GLCCI1: variants seen among roughly 807,000 people sequenced by gnomAD.
GLCCI1 encodes the protein glucocorticoid induced 1.
GLCCI1 carries 24 observed loss-of-function variants against 52.2 expected under a neutral mutation model. The observed-to-expected ratio is 0.46, with a 90% CI of 0.33 to 0.65. The LOEUF (loss-of-function observed/expected upper bound fraction) is 0.65, where lower values mean the gene tolerates loss of function less well. GLCCI1 is among the 30% of genes least tolerant of loss of function. The pLI is 0.02. For synonymous variants in GLCCI1, 310 were observed against 276.5 expected, an observed-to-expected ratio of 1.12 and a Z score of -1.20; for missense variants, 704 against 701.5, an observed-to-expected ratio of 1.00 and a Z score of -0.04.
At chr7:8,017,995 AAATAATGGTTTGTCATT>A (rs1314651066) in intron 2 of GLCCI1, among the ~76,000 whole-genome samples, 1 of 152,212 alleles carries the variant, frequency 6.6e-6, no homozygotes, top group East Asian at 1.9e-4. Flanking sequence ...AAATATTTGT[AAATAATGGTTTGTCATT>A]ACCTATTCTA....
chr7:7,976,479 C>CAAAAAAAA (rs35255634), intron 1 of GLCCI1, among the ~76,000 whole-genome samples: 7 of 24,682 alleles, frequency 2.8e-4, no homozygotes, highest in East Asian at 9.3e-4. Context: ...AACTCCATCT[C>CAAAAAAAA]AAAAAAAAAA....
At chr7:7,999,142 G>T (rs1262884890) in intron 1 of GLCCI1, among the ~76,000 whole-genome samples, 3 of 151,908 alleles carry the variant, frequency 2.0e-5, no homozygotes, top group Non-Finnish European at 4.4e-5. Context: ...TGAACACTAA[G>T]TGTAGAGCAT....
rs1782368288 is a variant in GLCCI1, at chr7:8,055,560, T to C, written c.813+11T>C. ...ATCAGTCACACTCAGGTAGGCTAAC[T>C]TCTTGTCCAGATTTGAATAATTACT... On this transcript the variant is annotated intron_variant, in intron 4 of 7. Coordinates refer to ENST00000223145, the MANE Select transcript of GLCCI1 (RefSeq NM_138426.4). The C allele has an allele frequency of 1.4e-6, 2 of 1,460,026 alleles. No homozygotes were observed. Among genetic ancestry groups the C allele is most frequent in the South Asian group, 2.3e-5 (2 of 87,528 alleles). The allele number at this position is 1,460,026 out of a possible 1,614,324, so 90.4% of individuals were successfully genotyped here.
chr7:8,042,014 G>A (rs998257333), intron 3 of GLCCI1, among the ~76,000 whole-genome samples: 1 of 152,126 alleles, frequency 6.6e-6, no homozygotes, highest in Non-Finnish European at 1.5e-5. Flanking sequence ...GGATGATATA[G>A]CACATCTATT....
rs1344129872 is a variant in GLCCI1, at chr7:7,969,334, G to C, written c.-17G>C. 3.4e-6 allele frequency: 5 copies of C among 1,452,862 alleles called. No homozygotes were observed. In the African/African-American group the frequency reaches 7.4e-5, roughly 21 times the overall value. The allele number at this position is 1,452,862 out of a possible 1,614,324, so 90.0% of individuals were successfully genotyped here. ...CCTCCGTGTCGGCCGGCGGCGTCCA[G>C]GGCCCGCAGAGCCACCATGTCCACT... On this transcript the variant is annotated 5_prime_UTR_variant, in exon 1 of 8. Transcript: ENST00000223145. This position sits in a 1 kb window ranked among gnomAD's most constrained non-coding sequence, Gnocchi z 4.9.
rs912783546 is a variant in GLCCI1 at position 8,060,162 on chromosome 7, C to T, written c.880C>T (p.Arg294Cys). 18 of 1,613,092 alleles carry T rather than the reference C, an allele frequency of 1.1e-5. No homozygotes were observed. Among genetic ancestry groups the T allele is most frequent in the African/African-American group, 1.3e-5 (1 of 74,848 alleles). The change falls in exon 5 of 8, where the codon CGT becomes TGT. Residue 294 changes from arginine to cysteine, a missense_variant. This residue lies in a region of GLCCI1 where 547 missense variants were observed against 524.8 expected (regional missense o/e 1.04). Transcript: ENST00000223145. The stretch of plus-strand genomic sequence containing the variant: ...ATCAGTGCCAAAATCATCTGTTTCG[C>T]GTGTGCCCTGCAATGTAGAAGGAAT... ...NISVPKSSVS[R>C]VPCNVEGISP...
intron 2 of GLCCI1, among the ~76,000 whole-genome samples, chr7:8,011,300 C>G (rs1371328816): frequency 6.6e-6 from 1 of 152,180 alleles, no homozygotes; most frequent in Non-Finnish European, 1.5e-5. Flanking sequence ...TACTAGCTCT[C>G]CATCCTCCCC....
Position 8,014,029 on chromosome 7 carries a change from G to A in GLCCI1, c.610-8454G>A, listed in dbSNP as rs534990943. Among the ~76,000 whole-genome samples, 68 of 143,222 alleles carry A rather than the reference G, an allele frequency of 4.7e-4. 1 individual carries two copies. The highest frequency in any genetic ancestry group is 1.2e-3 in the East Asian group (6 of 4,934). 94.0% of individuals were successfully genotyped at this position (143,222 alleles called of 152,430 possible). A position where few individuals can be genotyped will look rare whatever the true frequency, so the allele number is the denominator to read the frequency against. The stretch of plus-strand genomic sequence containing the variant: ...TTTTGAGACGGAGTCTTGCTCTGTC[G>A]CCCAGGCTGGAGTGCAATGGCACTG... On this transcript the variant is annotated intron_variant, in intron 2 of 7. Transcript: ENST00000223145.
At chr7:8,066,099 G>C (rs1238949143) in intron 5 of GLCCI1, among the ~76,000 whole-genome samples, 1 of 152,058 alleles carries the variant, frequency 6.6e-6, no homozygotes, top group Non-Finnish European at 1.5e-5. Flanking sequence ...TCCATTCAGG[G>C]ATTCTCTCTT....
At chr7:8,006,207 G>T (rs1006213447) in intron 2 of GLCCI1, among the ~76,000 whole-genome samples, 2 of 152,246 alleles carry the variant, frequency 1.3e-5, no homozygotes, top group Non-Finnish European at 2.9e-5. Flanking sequence ...TTAGAAGTCA[G>T]AGGAGAAAGC....
chr7:8,079,754 C>T (rs1782957294), intron 6 of GLCCI1, among the ~76,000 whole-genome samples: 1 of 151,314 alleles, frequency 6.6e-6, no homozygotes, highest in African/African-American at 2.5e-5. Flanking sequence ...TATAAAATAC[C>T]TCCTACATAT....
intron 3 of GLCCI1, among the ~76,000 whole-genome samples, chr7:8,029,264 T>A (rs1417918449): frequency 6.6e-6 from 1 of 152,182 alleles, no homozygotes; most frequent in East Asian, 1.9e-4. Flanking sequence ...CCTGTCCAAG[T>A]GGGATTTATC....
Position 8,069,810 on chromosome 7 carries a change from A to G in GLCCI1, c.967-1111A>G, listed in dbSNP as rs1360271757. Among the ~76,000 whole-genome samples, 3 of 152,212 alleles carry G rather than the reference A, an allele frequency of 2.0e-5. No individual in the cohort carries two copies. In the East Asian group the frequency reaches 5.8e-4, roughly 29 times the overall value. On this transcript the variant is annotated intron_variant, in intron 5 of 7. Transcript: ENST00000223145. ...ACCTTCCTTCATTTCCCCTCTTGAC[A>G]GTTTTTCTAAAATCTCTGAAATGAC...
intron 6 of GLCCI1, among the ~76,000 whole-genome samples, chr7:8,071,709 A>G (rs114810046): frequency 0.013 from 2,024 of 152,186 alleles, 45 homozygotes; most frequent in African/African-American, 0.046. Flanking sequence ...CCTTGTGTCT[A>G]CTTGTGTACA....
Position 8,044,312 on chromosome 7 carries a change from C to G in GLCCI1, c.697-11121C>G, listed in dbSNP as rs78320471. On this transcript the variant is annotated intron_variant, in intron 3 of 7. Coordinates refer to ENST00000223145, the MANE Select transcript of GLCCI1 (RefSeq NM_138426.4). The stretch of plus-strand genomic sequence containing the variant: ...AGTGCTTTTTGAAATAATGTATCAT[C>G]ATCTTCCTTGACATAGGATCGAATT... Among the ~76,000 whole-genome samples the G allele has an allele frequency of 1.3e-3, 201 of 151,976 alleles. 3 individuals carry two copies. The East Asian group carries it at 0.037, about 28-fold the overall frequency.
intron 2 of GLCCI1, among the ~76,000 whole-genome samples, chr7:8,007,110 A>G (rs1030365610): frequency 2.0e-5 from 3 of 152,102 alleles, no homozygotes; most frequent in African/African-American, 4.8e-5. Context: ...GGCCAGAGGA[A>G]TTTCTCCTGA....
intron 6 of GLCCI1, among the ~76,000 whole-genome samples, chr7:8,075,473 T>C (rs554633747): frequency 2.4e-4 from 36 of 152,350 alleles, no homozygotes; most frequent in Admixed American, 2.0e-3. Flanking sequence ...GCTTACATTC[T>C]TCCACATTAT....
At chr7:8,069,592 G>C (rs920365026) in intron 5 of GLCCI1, among the ~76,000 whole-genome samples, 1 of 152,108 alleles carries the variant, frequency 6.6e-6, no homozygotes, top group African/African-American at 2.4e-5. Context: ...GGGAGGACAT[G>C]GGCTCCTCTC....
intron 2 of GLCCI1, among the ~76,000 whole-genome samples, chr7:8,019,333 C>A (rs567694422): frequency 9.2e-5 from 14 of 152,254 alleles, no homozygotes; most frequent in Non-Finnish European, 1.8e-4. Flanking sequence ...TAAATAGGCA[C>A]ATGTGGCTAG....
Sources: allele counts gnomAD v4.1 joint callset (sites outside exome capture counted in the v4.1 genomes callset), GRCh38; gene constraint gnomAD v4.1.1; regional missense constraint gnomAD v4.1.1; non-coding constraint Gnocchi (gnomAD v3.1); transcripts MANE v1.5; gene names NCBI Gene and HGNC (gene_info 2026-07-23, HGNC 2026-07-21).